The following APOBEC3D variants were observed in gnomAD, a reference collection of about 807,000 sequenced individuals.
APOBEC3D encodes the protein apolipoprotein B mRNA editing enzyme catalytic subunit 3D.
APOBEC3D carries 37 observed loss-of-function variants against 45.6 expected under a neutral mutation model. The ratio of observed to expected loss-of-function variants is 0.81; its 90% CI spans 0.62 to 1.07. The LOEUF (loss-of-function observed/expected upper bound fraction) is 1.07, where lower values mean the gene tolerates loss of function less well. Ranked by LOEUF, APOBEC3D falls within the 50% of genes least tolerant of loss-of-function variation. The pLI, the probability that APOBEC3D is intolerant of heterozygous loss-of-function variation, is 0.00. For synonymous variants in APOBEC3D, 175 were observed against 180.7 expected (o/e 0.97, Z 0.25); for missense variants, 496 against 495.3 (o/e 1.00, Z -0.01).
chr22:39,028,510 G>C (rs563509794), intron 4 of APOBEC3D, among the ~76,000 whole-genome samples: 1 of 152,376 alleles, frequency 6.6e-6, no homozygotes, highest in East Asian at 1.9e-4. Context: ...ACTTAGGAGA[G>C]TAGCCTGGAC....
intron 5 of APOBEC3D, 124 bp downstream of exon 5, chr22:39,029,643 T>TTG: frequency 1.1e-6 from 1 of 950,010 alleles, no homozygotes; most frequent in East Asian, 3.1e-5. Flanking sequence ...ATTTCTTTCT[T>TTG]TTTTTTTTTT....
intron 4 of APOBEC3D, among the ~76,000 whole-genome samples, chr22:39,028,291 C>T (rs1601467992): frequency 6.6e-6 from 1 of 152,222 alleles, no homozygotes. Flanking sequence ...AAGAAGACAG[C>T]GTGGTTGCCT....
chr22:39,025,028 T>TC, intron 2 of APOBEC3D, 42 bp from the exon 3 acceptor site: 1 of 1,235,636 alleles, frequency 8.1e-7, no homozygotes, highest in Non-Finnish European at 1.1e-6. Flanking sequence ...CCCCTCCTGT[T>TC]CCCCCGTCCC....
chr22:39,022,648 C>T (rs897992517), intron 1 of APOBEC3D, among the ~76,000 whole-genome samples, 174 bp from the exon 2 acceptor site: 71 of 152,286 alleles, frequency 4.7e-4, no homozygotes, highest in African/African-American at 1.7e-3. Flanking sequence ...GCCAGCATCC[C>T]CTCCTCTTCC....
chr22:39,025,505 G>T, intron 3 of APOBEC3D, 52 bp from the exon 4 acceptor site: 1 of 1,614,082 alleles, frequency 6.2e-7, no homozygotes, highest in Non-Finnish European at 8.5e-7. Flanking sequence ...GCCTGGGAGG[G>T]CAGGCCCAGG....
chr22:39,023,400 G>A (rs1301484914), intron 2 of APOBEC3D, among the ~76,000 whole-genome samples: 1 of 151,170 alleles, frequency 6.6e-6, no homozygotes, highest in Admixed American at 6.6e-5. Context: ...ACAGGCATAA[G>A]CCACCGTGCC....
intron 2 of APOBEC3D, among the ~76,000 whole-genome samples, chr22:39,024,382 C>T (rs1416795912): frequency 2.0e-5 from 3 of 152,162 alleles, no homozygotes; most frequent in African/African-American, 4.8e-5. Flanking sequence ...GCTGAGGATG[C>T]CTGGTGAATG....
chr22:39,025,909 C>T (rs1163307727), intron 4 of APOBEC3D, among the ~76,000 whole-genome samples: 1 of 152,156 alleles, frequency 6.6e-6, no homozygotes, highest in Non-Finnish European at 1.5e-5. Flanking sequence ...TCCATCCACC[C>T]CCGAGGCTGC....
chr22:39,028,454 C>T (rs1157129442), intron 4 of APOBEC3D, among the ~76,000 whole-genome samples: 1 of 152,222 alleles, frequency 6.6e-6, no homozygotes, highest in African/African-American at 2.4e-5. Flanking sequence ...ATAGGGATGG[C>T]CCCTGCAGGC....
rs1238191488 is a variant in APOBEC3D, at chr22:39,029,538, T to G, written c.762+19T>G. ...AAACCAGGTAGCACCAAAGTCCTAT[T>G]TACACCCTAAATAGGAGCTAAGCAG... On this transcript the variant is annotated intron_variant, in intron 5 of 6. Coordinates refer to ENST00000216099, the MANE Select transcript of APOBEC3D (RefSeq NM_152426.4). The G allele has an allele frequency of 1.2e-6, 2 of 1,613,904 alleles. No homozygotes were observed. Among genetic ancestry groups the G allele is most frequent in the South Asian group, 1.1e-5 (1 of 91,074 alleles).
rs1188570459 is a variant in APOBEC3D at position 39,025,133 on chromosome 22, C to G, written c.274C>G (p.Leu92Val). The G allele has an allele frequency of 1.9e-6, 3 of 1,613,014 alleles. No individual in the cohort carries two copies. Among genetic ancestry groups the G allele is most frequent in the Non-Finnish European group, 2.5e-6 (3 of 1,179,278 alleles). The change falls in exon 3 of 7, where the codon CTG becomes GTG. Residue 92 changes from leucine (L) to valine (V), a missense_variant. Physicochemically the swap from Leu to Val is conservative, Grantham distance 32. Coordinates refer to ENST00000216099, the MANE Select transcript of APOBEC3D (RefSeq NM_152426.4). ...CFLSWFCGNR[L>V]PANRRFQITW... ...CTTATCTTGGTTCTGTGGCAACCGA[C>G]TGCCTGCTAACAGGCGCTTCCAGAT...
rs1398757692 is a variant in APOBEC3D at position 39,025,075 on chromosome 22, T to C, written c.216T>C (p.Tyr72=). 6.3e-7 allele frequency: 1 copy of C among 1,577,222 alleles called. No homozygotes were observed. Among genetic ancestry groups the C allele is most frequent in the African/African-American group, 1.3e-5 (1 of 74,190 alleles). The part of the protein sequence containing the change: ...KRQSNHRQEV[Y]FRFENHAEMC... ...TGCCCCTGCTCCTCTCCCAGGTGTA[T>C]TTCCGGTTTGAGAACCACGCAGAAA... Residue 72 remains tyrosine (Y), a synonymous_variant, in exon 3 of 7, where the codon TAT becomes TAC. Transcript: ENST00000216099.
chr22:39,032,558 G>T lies in APOBEC3D; in HGVS notation c.*242G>T, dbSNP rs1312092244. On this transcript the variant is annotated 3_prime_UTR_variant, in exon 7 of 7. Coordinates refer to ENST00000216099, the MANE Select transcript of APOBEC3D (RefSeq NM_152426.4). The stretch of plus-strand genomic sequence containing the variant: ...CCCCCAGCCTGGGTGCCCCTAACTT[G>T]ACTCTTCCCATCTCCCCAGCATAAC... The T allele has an allele frequency of 1.7e-6, 2 of 1,211,706 alleles. No homozygotes were observed. The highest frequency in any genetic ancestry group is 4.0e-5 in the Admixed American group (1 of 25,060). 75.1% of individuals were successfully genotyped at this position (1,211,706 alleles called of 1,614,324 possible). A position where few individuals can be genotyped will look rare whatever the true frequency, so the allele number is the denominator to read the frequency against.
rs1925533005 is a variant in APOBEC3D, at chr22:39,025,330, G to C, written c.471G>C (p.Val157=). 2 of 1,614,148 alleles carry C rather than the reference G, an allele frequency of 1.2e-6. No individual in the cohort carries two copies. The highest frequency in any genetic ancestry group is 1.1e-5 in the South Asian group (1 of 91,078). Residue 157 remains valine, a synonymous_variant, in exon 3 of 7, where the codon GTG becomes GTC. Transcript: ENST00000216099. The stretch of plus-strand genomic sequence containing the variant: ...GGCTGCATAAGGCAGGGGCCCGTGT[G>C]AAGATCATGGACTATGAAGGTGAGA... The part of the protein sequence containing the change: ...LLRLHKAGAR[V]KIMDYEDFAY...
chr22:39,029,024 G>A (rs1369144928), intron 4 of APOBEC3D, among the ~76,000 whole-genome samples: 2 of 152,184 alleles, frequency 1.3e-5, no homozygotes, highest in East Asian at 3.8e-4. Flanking sequence ...GAGCTGAAAT[G>A]TTCAAGCAAT....
rs1349689600 is a variant in APOBEC3D, at chr22:39,031,975, T to G, written c.1042+2T>G. 6.2e-7 allele frequency: 1 copy of G among 1,613,444 alleles called. No individual in the cohort carries two copies. The highest frequency in any genetic ancestry group is 1.3e-5 in the African/African-American group (1 of 74,726). Reference sequence around the variant, plus strand: ...CCGTGAAGATCATGGGCTACAAAGGTGAGACGTGGGGGGCTGAGGAGAGTG... The same window carrying G: ...CCGTGAAGATCATGGGCTACAAAGGGGAGACGTGGGGGGCTGAGGAGAGTG... On this transcript the variant is annotated splice_donor_variant, in intron 6 of 6. Transcript: ENST00000216099. LOFTEE classifies it high-confidence loss of function.
At chr22:39,025,771 C>A (rs2074428893) in intron 4 of APOBEC3D, 100 bp downstream of exon 4, 1 of 1,586,198 alleles carries the variant, frequency 6.3e-7, no homozygotes, top group African/African-American at 1.3e-5. Context: ...CCGTCCTGCC[C>A]CCCTGCCTGC....
intron 5 of APOBEC3D, 70 bp from the exon 6 acceptor site, chr22:39,031,624 T>C: frequency 5.1e-6 from 8 of 1,581,574 alleles, no homozygotes; most frequent in South Asian, 4.6e-5. Context: ...TCTTCTCCCA[T>C]CGCCCCACCC....
chr22:39,027,691 T>C (rs1358281868), intron 4 of APOBEC3D, among the ~76,000 whole-genome samples: 3 of 152,238 alleles, frequency 2.0e-5, no homozygotes, highest in Non-Finnish European at 4.4e-5. Context: ...TGCCCCTTCC[T>C]GCCTGGTGGC....
Sources: gnomAD v4.1 joint callset for allele counts (sites outside exome capture counted in the v4.1 genomes callset) on GRCh38, gnomAD v4.1.1 for gene constraint, MANE v1.5 for transcripts, NCBI Gene and HGNC (gene_info 2026-07-23, HGNC 2026-07-21) for gene names.